The following GAA variants were observed in gnomAD, a reference collection of about 807,000 sequenced individuals.
GAA encodes lysosomal alpha-glucosidase.
In GAA, 88 loss-of-function variants were observed where a neutral mutation model predicts 103.9. That is an observed-to-expected ratio of 0.85 (90% CI 0.71 to 1.01). The LOEUF is 1.01. Among genes scored for constraint, GAA ranks in the 50% least tolerant of loss-of-function variants. The pLI is 0.00. For missense variants in GAA, 1,350 were observed against 1,305.3 expected (o/e 1.03, Z -0.53); for synonymous variants, 572 against 563.1 (o/e 1.02, Z -0.22).
chr17:80,115,264 T>A (rs1006823879), intron 15 of GAA, among the ~76,000 whole-genome samples: 9 of 151,756 alleles, frequency 5.9e-5, no homozygotes, highest in African/African-American at 2.2e-4. Flanking sequence ...CCTTCCTCGT[T>A]GTGTTTTCTT....
chr17:80,119,204 T>C, intron 19 of GAA, 68 bp from the exon 20 acceptor site: 3 of 1,485,580 alleles, frequency 2.0e-6, no homozygotes. Flanking sequence ...TGGAGCCGCC[T>C]TCTGAGCGCT....
chr17:80,112,584 G>A lies in GAA; in HGVS notation c.1761G>A (p.Leu587=). Residue 587 remains leucine, a synonymous_variant, in exon 13 of 20, where the codon CTG becomes CTA. Transcript: ENST00000302262. ...GTGTCCCCCACCACCCCAGGGCGCT[G>A]GTGAAGGCTCGGGGGACACGCCCAT... The part of the protein sequence containing the change: ...LTEAIASHRA[L]VKARGTRPFV... The A allele has an allele frequency of 1.2e-6, 2 of 1,613,008 alleles. No homozygotes were observed. Among genetic ancestry groups the A allele is most frequent in the Non-Finnish European group, 1.7e-6 (2 of 1,179,960 alleles).
At chr17:80,111,175 TGG>T in intron 11 of GAA, 150 bp downstream of exon 11, 1 of 827,292 alleles carries the variant, frequency 1.2e-6, no homozygotes, top group Non-Finnish European at 1.9e-6. Context: ...AGGCTCAGGC[TGG>T]GAGACTCAGC....
rs1567831086 is a variant in GAA, at chr17:80,108,835, G to A, written c.1326+7G>A. The stretch of plus-strand genomic sequence containing the variant: ...GCGCTACATGATGATCGTGGTGTGT[G>A]CCCCCACACTGTGGGTCTTTGGGAA... On this transcript the variant is annotated splice_region_variant and intron_variant, in intron 8 of 19. Transcript: ENST00000302262. 3 of 1,584,034 alleles carry A rather than the reference G, an allele frequency of 1.9e-6. No homozygotes were observed. Among genetic ancestry groups the A allele is most frequent in the Non-Finnish European group, 2.6e-6 (3 of 1,165,382 alleles).
At position 80,107,616 on chromosome 17, in the gene GAA, C is replaced by T. The variant is rs200856561; in HGVS notation, c.752C>T (p.Ser251Leu). 1.2e-4 allele frequency: 194 copies of T among 1,613,226 alleles called. No homozygotes were observed. In the East Asian group the frequency reaches 2.6e-3, roughly 21 times the overall value. Residue 251 changes from serine to leucine, a missense_variant, in exon 4 of 20, where the codon TCG (serine) becomes TTG (leucine). By Grantham distance (145) the Ser-to-Leu change is moderately radical. Transcript: ENST00000302262. ...GACCAGTTCCTTCAGCTGTCCACCT[C>T]GCTGCCCTCGCAGTATATCACAGGC... ...FADQFLQLSTSLPSQYITGLA... is the reference protein window; with the variant it reads ...FADQFLQLSTLLPSQYITGLA...
intron 16 of GAA, 112 bp from the exon 17 acceptor site, chr17:80,117,488 C>G (rs1195238116): frequency 7.8e-7 from 1 of 1,279,180 alleles, no homozygotes; most frequent in African/African-American, 1.5e-5. Context: ...CCGTCTGTGC[C>G]AGGCCTCCTA....
intron 2 of GAA, 104 bp downstream of exon 2, chr17:80,105,236 G>T: frequency 7.6e-6 from 9 of 1,190,260 alleles, no homozygotes; most frequent in Non-Finnish European, 1.1e-5. Flanking sequence ...ACCACTGTGT[G>T]CTGGGCCCTT....
rs535450439 is a variant in GAA at position 80,106,640 on chromosome 17, A to G, written c.692+746A>G. On this transcript the variant is annotated intron_variant, in intron 3 of 19. Transcript: ENST00000302262. ...GTTTCTCAAAGCATCTTATCAAGCT[A>G]GGTATGGTGGTTCATGTCTGCAATT... Among the ~76,000 whole-genome samples the G allele has an allele frequency of 1.6e-4, 24 of 152,312 alleles. No individual in the cohort carries two copies. In the South Asian group the frequency reaches 4.6e-3, roughly 29 times the overall value.
At chr17:80,106,564 G>A (rs1239473627) in intron 3 of GAA, among the ~76,000 whole-genome samples, 1 of 152,224 alleles carries the variant, frequency 6.6e-6, no homozygotes, top group Non-Finnish European at 1.5e-5. Context: ...AGATGCAGGG[G>A]ACAGGGGTGG....
intron 19 of GAA, 141 bp from the exon 20 acceptor site, chr17:80,119,131 A>G: frequency 2.2e-6 from 2 of 927,704 alleles, no homozygotes; most frequent in African/African-American, 1.6e-5. Context: ...GAAGCATCCC[A>G]GGGCCAGACG....
rs12602610 is a variant in GAA at position 80,103,257 on chromosome 17, G to T, written c.-32-1298G>T. Among the ~76,000 whole-genome samples, 6 of 151,966 alleles carry T rather than the reference G, an allele frequency of 3.9e-5. No individual in the cohort carries two copies. In the South Asian group the frequency reaches 8.3e-4, roughly 21 times the overall value. Reference sequence around the variant, plus strand: ...CCAGGGGCTGCTTTCTGAAATCCTTGCCTGCCTCTGCTCCAAGGCCCGTTC... The same window carrying T: ...CCAGGGGCTGCTTTCTGAAATCCTTTCCTGCCTCTGCTCCAAGGCCCGTTC... On this transcript the variant is annotated intron_variant, in intron 1 of 19. Coordinates refer to ENST00000302262, the MANE Select transcript of GAA (RefSeq NM_000152.5).
rs2143892473 is a variant in GAA at position 80,112,956 on chromosome 17, CTG to C, written c.1976_1977del (p.Val659AlafsTer77). ...CGFLGNTSEE[L>X]CVRWTQLGAF... ...CTTCCTGGGCAACACCTCAGAGGAG[CTG>C]TGTGTGCGCTGGACCCAGCTGGGGG... On this transcript the variant is annotated frameshift_variant, in exon 14 of 20. Coordinates refer to ENST00000302262, the MANE Select transcript of GAA (RefSeq NM_000152.5). LOFTEE classifies it high-confidence loss of function. 1 of 1,610,602 alleles carries C rather than the reference CTG, an allele frequency of 6.2e-7. No individual in the cohort carries two copies. The highest frequency in any genetic ancestry group is 8.5e-7 in the Non-Finnish European group (1 of 1,179,042).
chr17:80,104,902 C>A lies in GAA; in HGVS notation c.316C>A (p.Arg106Ser), dbSNP rs915675670. Residue 106 changes from arginine (R) to serine (S), a missense_variant, in exon 2 of 20, where the codon CGC becomes AGC. Coordinates refer to ENST00000302262, the MANE Select transcript of GAA (RefSeq NM_000152.5). The surrounding 1 kb of genome is among the most constrained non-coding windows in gnomAD (Gnocchi z 4.0). ...CATCACCCAGGAACAGTGCGAGGCC[C>A]GCGGCTGTTGCTACATCCCTGCAAA... ...KAITQEQCEA[R>S]GCCYIPAKQG... The A allele has an allele frequency of 1.2e-6, 2 of 1,612,428 alleles. No homozygotes were observed.
chr17:80,106,070 T>C (rs2039080022), intron 3 of GAA, among the ~76,000 whole-genome samples, 176 bp downstream of exon 3: 1 of 152,150 alleles, frequency 6.6e-6, no homozygotes, highest in Non-Finnish European at 1.5e-5. Flanking sequence ...GGTCTTTTAC[T>C]CACATAGGTC....
chr17:80,110,008 A>C lies in GAA; in HGVS notation c.1390A>C (p.Arg464=). ...SYRPYDEGLR[R]GVFITNETGQ... ...CAGGCCCTACGACGAGGGTCTGCGG[A>C]GGGGGGTTTTCATCACCAACGAGAC... Residue 464 remains arginine (R), a synonymous_variant, in exon 9 of 20, where the codon AGG becomes CGG. Transcript: ENST00000302262. 1 of 1,612,814 alleles carries C rather than the reference A, an allele frequency of 6.2e-7. No homozygotes were observed.
At position 80,107,673 on chromosome 17, in the gene GAA, G is replaced by A. The variant is rs1429834723; in HGVS notation, c.809G>A (p.Ser270Asn). Residue 270 changes from serine (S) to asparagine (N), a missense_variant, in exon 4 of 20, where the codon AGC (serine) becomes AAC (asparagine). By Grantham distance (46) the Ser-to-Asn change is conservative. Transcript: ENST00000302262. Reference protein sequence around the residue: ...LAEHLSPLMLSTSWTRITLWN... With the variant: ...LAEHLSPLMLNTSWTRITLWN... ...GAGCACCTCAGTCCCCTGATGCTCA[G>A]CACCAGCTGGACCAGGATCACCCTG... 6.2e-7 allele frequency: 1 copy of A among 1,613,012 alleles called. No individual in the cohort carries two copies. The highest frequency in any genetic ancestry group is 8.5e-7 in the Non-Finnish European group (1 of 1,179,876).
At chr17:80,118,475 G>T in intron 18 of GAA, 118 bp downstream of exon 18, 2 of 1,434,216 alleles carry the variant, frequency 1.4e-6, no homozygotes, top group Non-Finnish European at 9.7e-7. Context: ...CACTCTAGCA[G>T]GTGGCCTGGG....
intron 8 of GAA, 91 bp from the exon 9 acceptor site, chr17:80,109,854 C>A: frequency 1.1e-6 from 1 of 908,348 alleles, no homozygotes; most frequent in South Asian, 1.4e-5. Flanking sequence ...GATGTCATCC[C>A]CAGCCTCATC....
rs142481170 is a variant in GAA, at chr17:80,104,863, G to A, written c.277G>A (p.Ala93Thr). 4.5e-5 allele frequency: 72 copies of A among 1,612,678 alleles called. No homozygotes were observed. Among genetic ancestry groups the A allele is most frequent in the East Asian group, 2.9e-4 (13 of 44,866 alleles). ...DVPPNSRFDC[A>T]PDKAITQEQC... ...CCCCCCCAACAGCCGCTTCGATTGC[G>A]CCCCTGACAAGGCCATCACCCAGGA... is the stretch of plus-strand genomic sequence containing the variant. The change falls in exon 2 of 20, where the codon GCC becomes ACC. Residue 93 changes from alanine (A) to threonine (T), a missense_variant. Ala to Thr is a moderately conservative substitution (Grantham distance 58). Transcript: ENST00000302262. This position sits in a 1 kb window ranked among gnomAD's most constrained non-coding sequence, Gnocchi z 4.0.
Sources: gnomAD v4.1 joint callset for allele counts (sites outside exome capture counted in the v4.1 genomes callset) on GRCh38, gnomAD v4.1.1 for gene constraint, Gnocchi (gnomAD v3.1) non-coding constraint, MANE v1.5 for transcripts, NCBI Gene and HGNC (gene_info 2026-07-23, HGNC 2026-07-21) for gene names.